Variants in RPL13A observed in about 807,000 individuals in gnomAD.
The protein encoded by RPL13A is ribosomal protein L13a, also known as large ribosomal subunit protein uL13.
A neutral mutation model predicts 30.8 loss-of-function variants in RPL13A; 4 were observed. The ratio of observed to expected loss-of-function variants is 0.13; its 90% CI spans 0.06 to 0.30. The LOEUF is 0.30. RPL13A is among the 10% of genes least tolerant of loss of function. The pLI is 1.00. For missense variants in RPL13A, 196 were observed against 272.6 expected, an observed-to-expected ratio of 0.72 and a Z score of 1.98; for synonymous variants, 108 against 104.2, an observed-to-expected ratio of 1.04 and a Z score of -0.22.
chr19:49,487,814 T>G (rs2079820902), intron 1 of RPL13A, among the ~76,000 whole-genome samples, 170 bp downstream of exon 1: 1 of 152,184 alleles, frequency 6.6e-6, no homozygotes, highest in African/African-American at 2.4e-5. Context: ...CGGCTCTCTT[T>G]AGGCCTAGGG....
intron 1 of RPL13A, among the ~76,000 whole-genome samples, chr19:49,488,453 C>A (rs1472321550): frequency 1.3e-5 from 2 of 152,226 alleles, no homozygotes. Context: ...AAGTTGTGTT[C>A]ACCAAGCATG....
At position 49,490,459 on chromosome 19, in the gene RPL13A, T is replaced by C. The variant is rs757864073; in HGVS notation, c.155-16T>C. ...CTGGTAGACTGGGCAGGCCTCACAC[T>C]CTCCCCTCTCCCTAGTGAAGTACCT... On this transcript the variant is annotated splice_polypyrimidine_tract_variant and intron_variant, in intron 3 of 7. Coordinates refer to ENST00000391857, the MANE Select transcript of RPL13A (RefSeq NM_012423.4). The C allele has an allele frequency of 1.3e-5, 21 of 1,613,030 alleles. No homozygotes were observed. Among genetic ancestry groups the C allele is most frequent in the Middle Eastern group, 1.7e-4 (1 of 6,024 alleles).
At position 49,487,625 on chromosome 19, in the gene RPL13A, C is replaced by T. The variant is rs374716280; in HGVS notation, c.-5C>T. The T allele has an allele frequency of 7.0e-6, 11 of 1,574,968 alleles. No homozygotes were observed. The highest frequency in any genetic ancestry group is 4.1e-5 in the African/African-American group (3 of 73,472). On this transcript the variant is annotated 5_prime_UTR_variant, in exon 1 of 8. Coordinates refer to ENST00000391857, the MANE Select transcript of RPL13A (RefSeq NM_012423.4). The stretch of plus-strand genomic sequence containing the variant: ...ACCTCCTCCTTTTCCAAGCGGCTGC[C>T]GAAGATGGCGGAGGTGCAGGTATGG...
rs754474721 is a variant in RPL13A at position 49,487,628 on chromosome 19, A to G, written c.-2A>G. 1.3e-6 allele frequency: 2 copies of G among 1,575,042 alleles called. No homozygotes were observed. Among genetic ancestry groups the G allele is most frequent in the Non-Finnish European group, 1.7e-6 (2 of 1,161,374 alleles). On this transcript the variant is annotated 5_prime_UTR_variant, in exon 1 of 8. Transcript: ENST00000391857. Reference sequence around the variant, plus strand: ...TCCTCCTTTTCCAAGCGGCTGCCGAAGATGGCGGAGGTGCAGGTATGGGCT... The same window carrying G: ...TCCTCCTTTTCCAAGCGGCTGCCGAGGATGGCGGAGGTGCAGGTATGGGCT...
intron 1 of RPL13A, 28 bp from the exon 2 acceptor site, chr19:49,489,822 T>C (rs1601161122): frequency 1.3e-6 from 2 of 1,529,160 alleles, no homozygotes; most frequent in Non-Finnish European, 1.7e-6. Context: ...TCCTTGTCTC[T>C]GAGTCCTTTT....
chr19:49,487,658 G>T lies in RPL13A; in HGVS notation c.15+14G>T, dbSNP rs1275807075. Reference sequence around the variant, plus strand: ...GCGGAGGTGCAGGTATGGGCTCCGCGCGGGCCGGGGCGGCAAGGGGCCGGG... The same window carrying T: ...GCGGAGGTGCAGGTATGGGCTCCGCTCGGGCCGGGGCGGCAAGGGGCCGGG... On this transcript the variant is annotated intron_variant, in intron 1 of 7. Transcript: ENST00000391857. The T allele has an allele frequency of 6.5e-7, 1 of 1,529,354 alleles. No individual in the cohort carries two copies. The highest frequency in any genetic ancestry group is 1.4e-5 in the African/African-American group (1 of 70,520). The allele number at this position is 1,529,354 out of a possible 1,614,324, so 94.7% of individuals were successfully genotyped here.
chr19:49,489,135 G>A (rs1354143010), intron 1 of RPL13A, among the ~76,000 whole-genome samples: 2 of 152,144 alleles, frequency 1.3e-5, no homozygotes, highest in African/African-American at 4.8e-5. Flanking sequence ...CTGAAATTCG[G>A]TTTTCTTCCA....
chr19:49,491,512 G>T lies in RPL13A; in HGVS notation c.490G>T (p.Ala164Ser). 1 of 1,441,498 alleles carries T rather than the reference G, an allele frequency of 6.9e-7. No individual in the cohort carries two copies. Among genetic ancestry groups the T allele is most frequent in the Non-Finnish European group, 9.2e-7 (1 of 1,086,856 alleles). 89.3% of individuals were successfully genotyped at this position (1,441,498 alleles called of 1,614,324 possible). The change falls in exon 7 of 8, where the codon GCC (alanine) becomes TCC (serine). Residue 164 changes from alanine (A) to serine (S), a missense_variant. Ala to Ser is a moderately conservative substitution (Grantham distance 99). Coordinates refer to ENST00000391857, the MANE Select transcript of RPL13A (RefSeq NM_012423.4). ...ATLEEKRKEK[A>S]KIHYRKKKQL... ...CCTGGAGGAGAAGAGGAAAGAGAAA[G>T]CCAAGATCCACTACCGGAAGAAGAA...
intron 6 of RPL13A, 120 bp downstream of exon 6, chr19:49,491,219 T>C (rs56974957): frequency 0.16 from 210,809 of 1,329,136 alleles, 25,437 homozygotes; most frequent in African/African-American, 0.62. Flanking sequence ...GATGTCCCTG[T>C]GGGAATGGCG....
chr19:49,492,096 T>G lies in RPL13A; in HGVS notation c.*281T>G, dbSNP rs939450679. ...AGACTGATTGGAGGGCCCTATCTTGTGAGTGGGGCATCTGTTGGACTTTCC... is the reference window on the plus strand; with the variant it reads ...AGACTGATTGGAGGGCCCTATCTTGGGAGTGGGGCATCTGTTGGACTTTCC... On this transcript the variant is annotated 3_prime_UTR_variant, in exon 8 of 8. Transcript: ENST00000391857. The G allele has an allele frequency of 2.5e-6, 1 of 393,386 alleles. No individual in the cohort carries two copies. Among genetic ancestry groups the G allele is most frequent in the African/African-American group, 2.0e-5 (1 of 48,964 alleles). 24.4% of individuals were successfully genotyped at this position (393,386 alleles called of 1,614,324 possible).
Position 49,490,817 on chromosome 19 carries a change from C to T in RPL13A, c.295C>T (p.Leu99=), listed in dbSNP as rs1061320. 1.2e-6 allele frequency: 2 copies of T among 1,614,168 alleles called. No individual in the cohort carries two copies. The highest frequency in any genetic ancestry group is 2.7e-5 in the African/African-American group (2 of 75,070). The change falls in exon 5 of 8, where the codon CTG becomes TTG. Residue 99 remains leucine (L), a synonymous_variant. Transcript: ENST00000391857. ...PHKTKRGQAA[L]DRLKVFDGIP... ...CAAAACCAAGCGAGGCCAGGCCGCT[C>T]TGGACCGTCTCAAGGTGTTTGACGG...
intron 2 of RPL13A, 133 bp from the exon 3 acceptor site, chr19:49,490,099 G>A (rs1309529436): frequency 9.4e-7 from 1 of 1,059,130 alleles, no homozygotes; most frequent in Non-Finnish European, 1.5e-6. Flanking sequence ...AAGTAATTAT[G>A]TATTAGGCTA....
intron 6 of RPL13A, 88 bp from the exon 7 acceptor site, chr19:49,491,337 A>G (rs1444730467): frequency 8.5e-6 from 11 of 1,295,080 alleles, no homozygotes; most frequent in African/African-American, 3.0e-5. Context: ...GTCACCTCCC[A>G]GCTCTCAACA....
In RPL13A at chr19:49,491,026, T is replaced by G. The variant is rs2079862386; in HGVS notation, c.343-14T>G. The stretch of plus-strand genomic sequence containing the variant: ...TCCCTCCCGGGCTCTTAAGCCCCTC[T>G]CTTTCTCTAACAGAAAAAGCGGATG... On this transcript the variant is annotated splice_polypyrimidine_tract_variant and intron_variant, in intron 5 of 7. Coordinates refer to ENST00000391857, the MANE Select transcript of RPL13A (RefSeq NM_012423.4). 2 of 1,614,116 alleles carry G rather than the reference T, an allele frequency of 1.2e-6. No individual in the cohort carries two copies. Among genetic ancestry groups the G allele is most frequent in the Non-Finnish European group, 1.7e-6 (2 of 1,180,038 alleles).
chr19:49,492,060 A>C lies in RPL13A; in HGVS notation c.*245A>C, dbSNP rs1172272813. On this transcript the variant is annotated 3_prime_UTR_variant, in exon 8 of 8. Coordinates refer to ENST00000391857, the MANE Select transcript of RPL13A (RefSeq NM_012423.4). ...AGAGCAACCAGTTACTATGAGTGAA[A>C]GGGAGCCAGAAGACTGATTGGAGGG... 2.7e-5 allele frequency: 13 copies of C among 473,086 alleles called. No individual in the cohort carries two copies. Among genetic ancestry groups the C allele is most frequent in the Non-Finnish European group, 4.2e-5 (11 of 259,424 alleles). The allele number at this position is 473,086 out of a possible 1,614,324, so 29.3% of individuals were successfully genotyped here.
At chr19:49,490,357 G>C in intron 3 of RPL13A, 60 bp downstream of exon 3, 1 of 1,597,036 alleles carries the variant, frequency 6.3e-7, no homozygotes, top group Non-Finnish European at 8.6e-7. Context: ...TTGAGGCTCT[G>C]AAAGCAATTG....
At position 49,488,953 on chromosome 19, in the gene RPL13A, A is replaced by G. The variant is rs1875192483; in HGVS notation, c.16-897A>G. ...ACTCCTGACCTCAACTGATCTGCCC[A>G]CCTAGGCCTCTCAAAGTGCTGGGAT... is the stretch of plus-strand genomic sequence containing the variant. On this transcript the variant is annotated intron_variant, in intron 1 of 7. Transcript: ENST00000391857. Among the ~76,000 whole-genome samples the G allele has an allele frequency of 2.0e-5, 3 of 150,916 alleles. No individual in the cohort carries two copies. The Admixed American group carries it at 2.0e-4, about 10-fold the overall frequency.
intron 7 of RPL13A, 32 bp downstream of exon 7, chr19:49,491,579 T>G (rs1601165992): frequency 6.4e-7 from 1 of 1,554,588 alleles, no homozygotes; most frequent in Middle Eastern, 1.7e-4. Flanking sequence ...GAGGGGGGCA[T>G]CTCACTCCTG....
intron 1 of RPL13A, among the ~76,000 whole-genome samples, chr19:49,489,103 A>G (rs2079838837): frequency 1.3e-5 from 2 of 152,154 alleles, no homozygotes. Context: ...GCTTTTGACT[A>G]CTCTGCCTAA....
Sources: allele counts gnomAD v4.1 joint callset (sites outside exome capture counted in the v4.1 genomes callset), GRCh38; gene constraint gnomAD v4.1.1; transcripts MANE v1.5; gene names NCBI Gene and HGNC (gene_info 2026-07-23, HGNC 2026-07-21).